Variants in B3GALT1 observed in about 807,000 individuals in gnomAD.
The protein encoded by B3GALT1 is UDP-Gal:betaGlcNAc beta 1,3-galactosyltransferase, polypeptide 1.
Under a neutral mutation model 23.2 loss-of-function variants are expected in B3GALT1, and 10 were observed. The observed-to-expected ratio is 0.43, with a 90% CI of 0.27 to 0.73. The LOEUF (loss-of-function observed/expected upper bound fraction) is 0.73. Among genes scored for constraint, B3GALT1 ranks in the 30% least tolerant of loss-of-function variants. B3GALT1 has a pLI of 0.21. For synonymous variants in B3GALT1, 156 were observed against 141.5 expected, an observed-to-expected ratio of 1.10 and a Z score of -0.73; for missense variants, 299 against 405.4, an observed-to-expected ratio of 0.74 and a Z score of 2.25.
chr2:167,381,639 T>C (rs1697849206), intron 1 of B3GALT1, among the ~76,000 whole-genome samples: 1 of 152,202 alleles, frequency 6.6e-6, no homozygotes, highest in Non-Finnish European at 1.5e-5. Flanking sequence ...CTTCAGACTC[T>C]AGGTTTGAAG....
intron 1 of B3GALT1, among the ~76,000 whole-genome samples, chr2:167,315,000 G>A (rs1418617241): frequency 1.3e-5 from 2 of 152,140 alleles, no homozygotes; most frequent in Non-Finnish European, 2.9e-5. Context: ...GAGCAGGAAT[G>A]TTTAATAAAT....
At chr2:167,598,527 T>C (rs1459119524) in intron 2 of B3GALT1, among the ~76,000 whole-genome samples, 1 of 152,020 alleles carries the variant, frequency 6.6e-6, no homozygotes, top group Non-Finnish European at 1.5e-5. Flanking sequence ...GAGAAAATTA[T>C]CCCAGAAAAA....
chr2:167,507,105 A>G (rs1274437103), intron 2 of B3GALT1, among the ~76,000 whole-genome samples: 1 of 152,196 alleles, frequency 6.6e-6, no homozygotes, highest in African/African-American at 2.4e-5. Flanking sequence ...TTTGCCAAAT[A>G]TTTCTTAAAA....
At chr2:167,716,162 G>C (rs569360902) in intron 3 of B3GALT1, 2 of 1,273,426 alleles carry the variant, frequency 1.6e-6, no homozygotes, top group East Asian at 2.5e-5. Flanking sequence ...ATCCGCACGC[G>C]GCAACCAACC....
At chr2:167,640,793 A>G (rs1405839338) in intron 2 of B3GALT1, among the ~76,000 whole-genome samples, 1 of 152,146 alleles carries the variant, frequency 6.6e-6, no homozygotes, top group Admixed American at 6.6e-5. Flanking sequence ...AAACTGACTC[A>G]TGGTGCTCAT....
intron 3 of B3GALT1, among the ~76,000 whole-genome samples, chr2:167,710,991 C>G (rs1218057727): frequency 6.6e-6 from 1 of 152,124 alleles, no homozygotes; most frequent in African/African-American, 2.4e-5. Context: ...AGAATGATAT[C>G]CAAATGCCTC....
intron 3 of B3GALT1, among the ~76,000 whole-genome samples, chr2:167,684,248 G>T (rs1278714573): frequency 6.6e-6 from 1 of 152,178 alleles, no homozygotes; most frequent in Admixed American, 6.5e-5. Context: ...TTTGCTAGGT[G>T]AATCAATGAT....
chr2:167,726,006 C>T (rs1370775921), intron 3 of B3GALT1, among the ~76,000 whole-genome samples: 3 of 152,130 alleles, frequency 2.0e-5, no homozygotes, highest in Non-Finnish European at 2.9e-5. Context: ...TGTTGGGGAT[C>T]AAATATGCTT....
At chr2:167,821,505 G>A (rs1260785523) in intron 4 of B3GALT1, among the ~76,000 whole-genome samples, 3 of 136,442 alleles carry the variant, frequency 2.2e-5, no homozygotes, top group African/African-American at 8.5e-5. Flanking sequence ...CGTGATCTCT[G>A]CTTACTGCAA....
intron 1 of B3GALT1, among the ~76,000 whole-genome samples, chr2:167,470,326 A>G (rs545135371): frequency 6.6e-6 from 1 of 152,194 alleles, no homozygotes; most frequent in Non-Finnish European, 1.5e-5. Flanking sequence ...TGGGTTTAGC[A>G]ATTAAAATTT....
rs566179596 is a variant in B3GALT1, at chr2:167,418,127, G to A, written c.-510-72050G>A. Among the ~76,000 whole-genome samples, 16 of 152,234 alleles carry A rather than the reference G, an allele frequency of 1.1e-4. No individual in the cohort carries two copies. In the East Asian group the frequency reaches 1.4e-3, roughly 13 times the overall value. ...CTTCATGGCCATGTTATGCTCCTTC[G>A]TTTGAAAGCAATTTTAGGAGTCACT... is the stretch of plus-strand genomic sequence containing the variant. On this transcript the variant is annotated intron_variant, in intron 1 of 4. Transcript: ENST00000392690.
At chr2:167,852,368 G>A (rs1012552458) in intron 4 of B3GALT1, among the ~76,000 whole-genome samples, 4 of 151,988 alleles carry the variant, frequency 2.6e-5, no homozygotes, top group South Asian at 4.2e-4. Flanking sequence ...AAGACATTTC[G>A]GAAAGAATAA....
intron 1 of B3GALT1, among the ~76,000 whole-genome samples, chr2:167,399,803 T>C (rs779943292): frequency 1.8e-4 from 27 of 152,022 alleles, no homozygotes; most frequent in Non-Finnish European, 3.2e-4. Context: ...GAGACACTAT[T>C]TTCTGGGATT....
chr2:167,795,223 A>G (rs939044522), intron 3 of B3GALT1, among the ~76,000 whole-genome samples: 4 of 152,226 alleles, frequency 2.6e-5, no homozygotes, highest in Non-Finnish European at 5.9e-5. Context: ...TGTAGAAGAT[A>G]TGTGGTTAAG....
intron 2 of B3GALT1, among the ~76,000 whole-genome samples, chr2:167,631,996 C>T (rs1021963939): frequency 2.0e-5 from 3 of 151,706 alleles, no homozygotes; most frequent in African/African-American, 7.3e-5. Context: ...ACCCTGTGTC[C>T]ATGTGTTCTC....
At chr2:167,597,117 GT>G (rs1309406987) in intron 2 of B3GALT1, among the ~76,000 whole-genome samples, 23,383 of 131,180 alleles carry the variant, frequency 0.18, 1,687 homozygotes, top group East Asian at 0.21. Context: ...TTTTGTTTTT[GT>G]TTTTTTTTTT....
intron 3 of B3GALT1, among the ~76,000 whole-genome samples, chr2:167,798,332 T>A (rs891937602): frequency 6.6e-6 from 1 of 152,206 alleles, no homozygotes; most frequent in Non-Finnish European, 1.5e-5. Flanking sequence ...CCATCGCTTT[T>A]GGTGTTTTCA....
intron 1 of B3GALT1, among the ~76,000 whole-genome samples, chr2:167,350,928 G>A (rs1459627751): frequency 6.6e-6 from 1 of 152,200 alleles, no homozygotes; most frequent in Admixed American, 6.5e-5. Context: ...TTGGCTGCAT[G>A]CATATGTTAT....
At chr2:167,638,005 G>A (rs1015647096) in intron 2 of B3GALT1, among the ~76,000 whole-genome samples, 5 of 151,962 alleles carry the variant, frequency 3.3e-5, no homozygotes, top group Admixed American at 6.6e-5. Flanking sequence ...AATCAGCAAA[G>A]CTGCTTCCTT....
Sources: allele counts gnomAD v4.1 joint callset (sites outside exome capture counted in the v4.1 genomes callset), GRCh38; gene constraint gnomAD v4.1.1; transcripts MANE v1.5; gene names NCBI Gene and HGNC (gene_info 2026-07-23, HGNC 2026-07-21).